The following TIAM2 variants were observed in gnomAD, a reference collection of about 807,000 sequenced individuals.
TIAM2 encodes TIAM Rac1 associated GEF 2.
Under a neutral mutation model 152.9 loss-of-function variants are expected in TIAM2, and 80 were observed. That is an observed-to-expected ratio of 0.52 (90% confidence interval 0.44 to 0.63). The LOEUF is 0.63. Among genes scored for constraint, TIAM2 ranks in the 30% least tolerant of loss-of-function variants. TIAM2 has a pLI of 0.00. For missense variants in TIAM2, 1,965 were observed against 2,120.1 expected, an observed-to-expected ratio of 0.93 and a Z score of 1.44; for synonymous variants, 804 against 838.0, an observed-to-expected ratio of 0.96 and a Z score of 0.70.
intron 19 of TIAM2, among the ~76,000 whole-genome samples, chr6:155,247,784 C>G (rs756377486): frequency 1.3e-5 from 2 of 152,202 alleles, no homozygotes; most frequent in Non-Finnish European, 2.9e-5. Flanking sequence ...ATTCCATCCT[C>G]GGAAGCTCCC....
intron 15 of TIAM2, among the ~76,000 whole-genome samples, chr6:155,212,755 GC>G (rs1171459420): frequency 1.3e-5 from 2 of 152,158 alleles, no homozygotes; most frequent in Non-Finnish European, 2.9e-5. Context: ...TCCCATGCCT[GC>G]CAAGAGTGAG....
rs1344954306 is a variant in TIAM2 at position 155,213,168 on chromosome 6, C to T, written c.3168+1861C>T. Among the ~76,000 whole-genome samples the T allele has an allele frequency of 6.6e-6, 1 of 152,170 alleles. No individual in the cohort carries two copies. Among genetic ancestry groups the T allele is most frequent in the African/African-American group, 2.4e-5 (1 of 41,440 alleles). ...TTGTGTTGTAGCTCTTTCAGCCCTGCCGTTAGGCAGGTCCCGAATTCTTGT... is the reference window on the plus strand; with the variant it reads ...TTGTGTTGTAGCTCTTTCAGCCCTGTCGTTAGGCAGGTCCCGAATTCTTGT... On this transcript the variant is annotated intron_variant, in intron 15 of 26. Coordinates refer to ENST00000682666, the MANE Select transcript of TIAM2 (RefSeq NM_012454.4). This position sits in a 1 kb window ranked among gnomAD's most constrained non-coding sequence, Gnocchi z 4.2.
At chr6:155,108,227 T>C (rs1778745714) in intron 2 of TIAM2, among the ~76,000 whole-genome samples, 1 of 152,162 alleles carries the variant, frequency 6.6e-6, no homozygotes, top group South Asian at 2.1e-4. Flanking sequence ...TCTCCATCGG[T>C]GTATTGGGCA....
At chr6:155,196,225 T>C (rs1022431654) in intron 14 of TIAM2, among the ~76,000 whole-genome samples, 2 of 152,120 alleles carry the variant, frequency 1.3e-5, no homozygotes, top group African/African-American at 4.8e-5. Context: ...CCCCCAGGTT[T>C]TGGCGTGAGC....
At chr6:155,209,629 C>T (rs1410911098) in intron 14 of TIAM2, among the ~76,000 whole-genome samples, 1 of 152,126 alleles carries the variant, frequency 6.6e-6, no homozygotes, top group African/African-American at 2.4e-5. Context: ...CACTGCCTTC[C>T]CTAGGCTAAG....
chr6:155,105,184 C>T (rs1052324135), intron 2 of TIAM2, among the ~76,000 whole-genome samples: 7 of 151,948 alleles, frequency 4.6e-5, no homozygotes, highest in African/African-American at 1.7e-4. Flanking sequence ...TCTCAATCTC[C>T]TGTCTTGCTC....
chr6:155,197,914 C>T (rs1048448397), intron 14 of TIAM2, among the ~76,000 whole-genome samples: 2 of 152,158 alleles, frequency 1.3e-5, no homozygotes, highest in African/African-American at 4.8e-5. Context: ...AACCATATCA[C>T]TGAGCAAGTC....
chr6:155,136,194 CAA>C (rs1232689972), intron 4 of TIAM2, among the ~76,000 whole-genome samples: 12 of 59,848 alleles, frequency 2.0e-4, no homozygotes, highest in Admixed American at 1.9e-4. Flanking sequence ...AACTCCATCT[CAA>C]AAAAAAAAAA....
At chr6:155,032,486 G>A (rs569865305) in intron 1 of TIAM2, among the ~76,000 whole-genome samples, 3 of 152,280 alleles carry the variant, frequency 2.0e-5, no homozygotes, top group Admixed American at 1.3e-4. Context: ...AGAATGAGCA[G>A]GGTTTGTGTT....
intron 1 of TIAM2, among the ~76,000 whole-genome samples, chr6:155,085,981 G>A (rs1465073815): frequency 2.6e-5 from 4 of 152,192 alleles, no homozygotes; most frequent in Admixed American, 2.6e-4. Flanking sequence ...TGATCTTTCT[G>A]TGGTCACAAG....
chr6:155,066,590 G>A (rs1410924069), intron 1 of TIAM2, among the ~76,000 whole-genome samples: 3 of 152,120 alleles, frequency 2.0e-5, no homozygotes, highest in African/African-American at 4.8e-5. Context: ...TTCCTGTTTG[G>A]CTCTGATTTT....
Position 155,256,556 on chromosome 6 carries a change from C to A in TIAM2, c.4541C>A (p.Thr1514Asn), listed in dbSNP as rs769760763. The change falls in exon 27 of 27, where the codon ACC (threonine) becomes AAC (asparagine). Residue 1514 changes from threonine (T) to asparagine (N), a missense_variant. Physicochemically the swap from Thr to Asn is moderately conservative, Grantham distance 65. Coordinates refer to ENST00000682666, the MANE Select transcript of TIAM2 (RefSeq NM_012454.4). ...TGGACCGGTGAGACTGGCAAGGGAA[C>A]CTTGCTGGACTCTGACGAGGGCAGC... Reference protein sequence around the residue: ...NEWTGETGKGTLLDSDEGSLS... With the variant: ...NEWTGETGKGNLLDSDEGSLS... The A allele has an allele frequency of 3.1e-6, 5 of 1,614,202 alleles. No individual in the cohort carries two copies. The South Asian group carries it at 4.4e-5, about 14-fold the overall frequency.
intron 1 of TIAM2, among the ~76,000 whole-genome samples, chr6:155,076,841 G>A (rs1029805074): frequency 1.3e-5 from 2 of 152,112 alleles, no homozygotes; most frequent in African/African-American, 4.8e-5. Context: ...GATTACATGC[G>A]TGTACCGCCA....
intron 18 of TIAM2, 49 bp downstream of exon 18, chr6:155,244,832 C>A (rs192391019): frequency 6.5e-7 from 1 of 1,543,476 alleles, no homozygotes; most frequent in African/African-American, 1.4e-5. Flanking sequence ...GGCTATGGTA[C>A]GTATTTCTCT....
At chr6:155,070,780 G>A (rs923409521) in intron 1 of TIAM2, among the ~76,000 whole-genome samples, 2 of 152,164 alleles carry the variant, frequency 1.3e-5, no homozygotes, top group African/African-American at 4.8e-5. Context: ...ATACCCTGAG[G>A]TGGTGGTAGA....
intron 1 of TIAM2, among the ~76,000 whole-genome samples, chr6:155,029,582 A>ATTATCTAT (rs1468520935): frequency 3.5e-5 from 3 of 86,568 alleles, no homozygotes; most frequent in African/African-American, 4.8e-5. Flanking sequence ...TAGTATATAT[A>ATTATCTAT]ACTATATAGT....
intron 2 of TIAM2, among the ~76,000 whole-genome samples, chr6:155,104,028 TCACACACA>T (rs869238864): frequency 2.2e-5 from 2 of 90,392 alleles, no homozygotes; most frequent in African/African-American, 1.2e-4. Flanking sequence ...TGTATTTACC[TCACACACA>T]CACACCCCCC....
chr6:155,059,254 G>C (rs893778214), intron 1 of TIAM2, among the ~76,000 whole-genome samples: 19 of 151,612 alleles, frequency 1.3e-4, no homozygotes, highest in Non-Finnish European at 4.4e-5. Context: ...GATGATTAAT[G>C]ATCGGGAATT....
At position 155,104,712 on chromosome 6, in the gene TIAM2, GTGC is replaced by G. The variant is rs1562317323; in HGVS notation, c.-118+14334_-118+14336del. Among the ~76,000 whole-genome samples, 4 of 149,146 alleles carry G rather than the reference GTGC, an allele frequency of 2.7e-5. No homozygotes were observed. The South Asian group carries it at 6.3e-4, about 24-fold the overall frequency. ...GCGGAGGTTGCCGTGAGCCGAGATCGTGCCTCTGCACTCCAGCCTGGGCAACAG... is the reference window on the plus strand; with the variant it reads ...GCGGAGGTTGCCGTGAGCCGAGATCGCTCTGCACTCCAGCCTGGGCAACAG... On this transcript the variant is annotated intron_variant, in intron 2 of 26. Coordinates refer to ENST00000682666, the MANE Select transcript of TIAM2 (RefSeq NM_012454.4).
Sources: allele counts gnomAD v4.1 joint callset (sites outside exome capture counted in the v4.1 genomes callset), GRCh38; gene constraint gnomAD v4.1.1; non-coding constraint Gnocchi (gnomAD v3.1); transcripts MANE v1.5; gene names NCBI Gene and HGNC (gene_info 2026-07-23, HGNC 2026-07-21).